The following FRK variants were observed in gnomAD, a reference collection of about 807,000 sequenced individuals.
FRK encodes tyrosine-protein kinase FRK.
In FRK, 51 loss-of-function variants were observed where a neutral mutation model predicts 56.4. The ratio of observed to expected loss-of-function variants is 0.90; its 90% CI spans 0.72 to 1.14. The LOEUF is 1.14. Among genes scored for constraint, FRK ranks in the 50% most tolerant of loss-of-function variants. FRK has a pLI of 0.00. For missense variants in FRK, 570 were observed against 601.4 expected (o/e 0.95, Z 0.55); for synonymous variants, 245 against 217.9 (o/e 1.12, Z -1.10).
chr6:116,094,833 G>T, the FRK span, among the ~76,000 whole-genome samples: 1 of 151,952 alleles, frequency 6.6e-6, no homozygotes, highest in African/African-American at 2.4e-5. Context: ...GAGACAGAAA[G>T]TCAAAGAGAG....
chr6:115,960,479 C>T (rs1271877306), intron 4 of FRK, among the ~76,000 whole-genome samples: 1 of 150,450 alleles, frequency 6.6e-6, no homozygotes, highest in Non-Finnish European at 1.5e-5. Context: ...AGGGCGCCCG[C>T]CATTGCCCAG....
At chr6:116,066,461 G>GTA in the FRK span, among the ~76,000 whole-genome samples, 2 of 151,760 alleles carry the variant, frequency 1.3e-5, no homozygotes, top group South Asian at 4.1e-4. Flanking sequence ...ATGTGTGTGT[G>GTA]TATCCTATTA....
intron 1 of FRK, among the ~76,000 whole-genome samples, chr6:116,006,751 A>G (rs979807754): frequency 3.9e-5 from 6 of 152,218 alleles, no homozygotes; most frequent in African/African-American, 7.2e-5. Context: ...TGAGCCCAGG[A>G]GTTCAAGGCT....
chr6:115,972,190 A>C (rs1406972934), intron 2 of FRK, among the ~76,000 whole-genome samples: 1 of 152,066 alleles, frequency 6.6e-6, no homozygotes, highest in Non-Finnish European at 1.5e-5. Context: ...CCTGGGCAAA[A>C]CCCAAAACTC....
At chr6:116,009,154 T>A (rs1317755525) in intron 1 of FRK, among the ~76,000 whole-genome samples, 1 of 152,190 alleles carries the variant, frequency 6.6e-6, no homozygotes, top group Non-Finnish European at 1.5e-5. Context: ...TTTGAAGAGT[T>A]GGCCCCCTTT....
chr6:116,056,637 A>C (rs1192819708), intron 1 of FRK, among the ~76,000 whole-genome samples: 2 of 152,192 alleles, frequency 1.3e-5, no homozygotes, highest in African/African-American at 4.8e-5. Flanking sequence ...TGTTATTTCC[A>C]CATCATTATT....
rs919603285 is a variant in FRK, at chr6:116,008,036, A to T, written c.345-4038T>A. Among the ~76,000 whole-genome samples, 4 of 152,302 alleles carry T rather than the reference A, an allele frequency of 2.6e-5. No homozygotes were observed. The East Asian group carries it at 7.7e-4, about 29-fold the overall frequency. ...ACAAGAATTACAATGTATCTAGCAG[A>T]TTAAGTTCTCCAGAATTATTATTAT... On this transcript the variant is annotated intron_variant, in intron 1 of 7. Transcript: ENST00000606080.
intron 1 of FRK, among the ~76,000 whole-genome samples, chr6:116,027,622 C>T (rs565302013): frequency 1.6e-4 from 24 of 151,804 alleles, no homozygotes; most frequent in Non-Finnish European, 2.1e-4. Flanking sequence ...ATAGTTAATA[C>T]GCACAAAATA....
chr6:116,036,146 T>C (rs1776472654), intron 1 of FRK, among the ~76,000 whole-genome samples: 1 of 152,140 alleles, frequency 6.6e-6, no homozygotes. Flanking sequence ...CTTTGCTTCT[T>C]AAACTAGATC....
intron 4 of FRK, among the ~76,000 whole-genome samples, chr6:115,963,086 CA>C (rs1413313075): frequency 2.0e-5 from 1 of 50,106 alleles, no homozygotes; most frequent in Non-Finnish European, 4.1e-5. Flanking sequence ...AAAAAACCTT[CA>C]AAAAATCAAT....
At chr6:116,016,164 T>G (rs776809063) in intron 1 of FRK, among the ~76,000 whole-genome samples, 1 of 151,964 alleles carries the variant, frequency 6.6e-6, no homozygotes, top group Non-Finnish European at 1.5e-5. Flanking sequence ...AAGAGAAAAA[T>G]GGTCTCATGG....
At chr6:116,028,333 A>C (rs1433162127) in intron 1 of FRK, among the ~76,000 whole-genome samples, 1 of 152,150 alleles carries the variant, frequency 6.6e-6, no homozygotes, top group Non-Finnish European at 1.5e-5. Flanking sequence ...TCTTTTGATT[A>C]TTTAAAAACT....
chr6:116,023,692 C>T (rs1389525654), intron 1 of FRK, among the ~76,000 whole-genome samples: 1 of 152,102 alleles, frequency 6.6e-6, no homozygotes, highest in African/African-American at 2.4e-5. Context: ...AGCGGTGGCT[C>T]AGACCTGTTG....
At chr6:116,099,100 A>G in the FRK span, among the ~76,000 whole-genome samples, 1 of 152,192 alleles carries the variant, frequency 6.6e-6, no homozygotes, top group Non-Finnish European at 1.5e-5. Flanking sequence ...CAGTCCCAGG[A>G]CCACTTGGTT....
chr6:115,943,333 C>G, intron 6 of FRK, 148 bp from the exon 7 acceptor site: 1 of 567,072 alleles, frequency 1.8e-6, no homozygotes, highest in Non-Finnish European at 3.0e-6. Flanking sequence ...GTAGCAAATT[C>G]TGAATCTTGC....
chr6:116,095,518 A>G, the FRK span, among the ~76,000 whole-genome samples: 30 of 152,198 alleles, frequency 2.0e-4, no homozygotes, highest in African/African-American at 6.8e-4. Flanking sequence ...TATTATCCTA[A>G]CGTCTAATCT....
the FRK span, among the ~76,000 whole-genome samples, chr6:116,078,586 A>G: frequency 6.6e-6 from 1 of 152,246 alleles, no homozygotes; most frequent in Non-Finnish European, 1.5e-5. Context: ...TAAATTTTCA[A>G]AATTGTGAGA....
At chr6:116,041,462 A>G (rs1776709720) in intron 1 of FRK, among the ~76,000 whole-genome samples, 1 of 152,202 alleles carries the variant, frequency 6.6e-6, no homozygotes, top group African/African-American at 2.4e-5. Flanking sequence ...CGTGCGCAAG[A>G]TGGCTGAATA....
At position 115,933,477 on chromosome 6, in the gene FRK, AT is replaced by A. The variant is rs1771991391; in HGVS notation, c.*8936del. The A allele has an allele frequency of 6.6e-6, 1 of 152,226 alleles. No homozygotes were observed. Among genetic ancestry groups the A allele is most frequent in the Non-Finnish European group, 1.5e-5 (1 of 68,028 alleles). The allele number at this position is 152,226 out of a possible 1,614,324, so 9.4% of individuals were successfully genotyped here. ...CATGATCCATCAGGTAAAAACAAGA[AT>A]AATAGATTGCTTTGACAGAACCTTG... On this transcript the variant is annotated 3_prime_UTR_variant, in exon 8 of 8. Coordinates refer to ENST00000606080, the MANE Select transcript of FRK (RefSeq NM_002031.3).
Sources: allele counts gnomAD v4.1 joint callset (sites outside exome capture counted in the v4.1 genomes callset), GRCh38; gene constraint gnomAD v4.1.1; transcripts MANE v1.5; gene names NCBI Gene and HGNC (gene_info 2026-07-23, HGNC 2026-07-21).